Variants in UTS2B observed in about 807,000 individuals in gnomAD.
The protein encoded by UTS2B is urotensin-2B.
Under a neutral mutation model 19.2 loss-of-function variants are expected in UTS2B, and 21 were observed. That is an observed-to-expected ratio of 1.09 (90% CI 0.78 to 1.58). UTS2B has a LOEUF of 1.58. Among genes scored for constraint, UTS2B ranks in the 40% most tolerant of loss-of-function variants. The pLI is 0.00. For synonymous variants in UTS2B, 57 were observed against 50.2 expected, an observed-to-expected ratio of 1.14 and a Z score of -0.58; for missense variants, 138 against 130.3, an observed-to-expected ratio of 1.06 and a Z score of -0.29.
chr3:191,310,646 T>C (rs150923435), intron 3 of UTS2B, among the ~76,000 whole-genome samples: 49 of 151,938 alleles, frequency 3.2e-4, no homozygotes, highest in African/African-American at 1.2e-3. Flanking sequence ...GTCCATGAAA[T>C]TGTGGCAAGC....
the UTS2B span, among the ~76,000 whole-genome samples, chr3:191,345,641 C>T: frequency 5.3e-5 from 8 of 152,170 alleles, no homozygotes; most frequent in African/African-American, 1.9e-4. Flanking sequence ...CGCTTGCCTG[C>T]AATCTGGTGT....
chr3:191,322,048 ATG>A (rs60815436), intron 2 of UTS2B, among the ~76,000 whole-genome samples: 1 of 151,004 alleles, frequency 6.6e-6, no homozygotes, highest in Non-Finnish European at 1.5e-5. Flanking sequence ...ATACATATAT[ATG>A]TGTGTGTGTG....
the UTS2B span, among the ~76,000 whole-genome samples, chr3:191,343,813 T>G: frequency 3.2e-3 from 482 of 152,344 alleles, 3 homozygotes; most frequent in African/African-American, 0.011. Flanking sequence ...TTTGGTGGGT[T>G]TATTCAGTAC....
intron 4 of UTS2B, among the ~76,000 whole-genome samples, chr3:191,287,592 G>A (rs1256460381): frequency 6.6e-6 from 1 of 152,014 alleles, no homozygotes; most frequent in Non-Finnish European, 1.5e-5. Flanking sequence ...ATTAAGTATG[G>A]AATGAATGTA....
At chr3:191,296,296 C>T (rs1026675025) in intron 4 of UTS2B, among the ~76,000 whole-genome samples, 2 of 151,888 alleles carry the variant, frequency 1.3e-5, no homozygotes, top group Non-Finnish European at 2.9e-5. Flanking sequence ...TACACACATA[C>T]TCCATTTTAA....
chr3:191,279,948 A>T (rs1716339463), intron 5 of UTS2B, among the ~76,000 whole-genome samples: 1 of 152,122 alleles, frequency 6.6e-6, no homozygotes, highest in Admixed American at 6.6e-5. Context: ...TCTATCTTTG[A>T]ACAGTTAATA....
Position 191,275,295 on chromosome 3 carries a change from G to A in UTS2B, c.291C>T (p.Ser97=), listed in dbSNP as rs756234868. 1.4e-5 allele frequency: 22 copies of A among 1,613,592 alleles called. No homozygotes were observed. The highest frequency in any genetic ancestry group is 1.9e-5 in the Non-Finnish European group (22 of 1,179,790). Residue 97 remains serine (S), a synonymous_variant, in exon 8 of 9, where the codon TCC becomes TCT. Coordinates refer to ENST00000340524, the MANE Select transcript of UTS2B (RefSeq NM_198152.5). ...QLVEEKDSET[S]YAVDGLFSSH... ...AAGAGAATAGACCATCTACAGCATAGGACGTCTCAGAATCCTTCTCCTCCA... is the reference window on the plus strand; with the variant it reads ...AAGAGAATAGACCATCTACAGCATAAGACGTCTCAGAATCCTTCTCCTCCA...
chr3:191,325,560 G>C (rs756086412), intron 2 of UTS2B, among the ~76,000 whole-genome samples: 2 of 152,224 alleles, frequency 1.3e-5, no homozygotes, highest in Non-Finnish European at 2.9e-5. Flanking sequence ...GGAAAGTTGA[G>C]AGCATGAATA....
chr3:191,310,949 G>C (rs1717286274), intron 3 of UTS2B, among the ~76,000 whole-genome samples: 2 of 152,224 alleles, frequency 1.3e-5, no homozygotes, highest in African/African-American at 4.8e-5. Flanking sequence ...TTCAGAAGCT[G>C]CAACTGGCAC....
In UTS2B at chr3:191,268,200, T is replaced by C. The variant is rs556391536; in HGVS notation, c.*216A>G. ...TGACTGCACGTCCATTCATAGGCTC[T>C]CTACAGGGGGAAGCAAGTGCTGTTG... is the stretch of plus-strand genomic sequence containing the variant. On this transcript the variant is annotated 3_prime_UTR_variant, in exon 9 of 9. Coordinates refer to ENST00000340524, the MANE Select transcript of UTS2B (RefSeq NM_198152.5). The C allele has an allele frequency of 1.6e-5, 6 of 382,944 alleles. No homozygotes were observed. The highest frequency in any genetic ancestry group is 9.1e-5 in the East Asian group (2 of 21,868). The allele number at this position is 382,944 out of a possible 1,614,324, so 23.7% of individuals were successfully genotyped here.
At chr3:191,312,109 G>A (rs4247187) in intron 3 of UTS2B, among the ~76,000 whole-genome samples, 34,660 of 149,762 alleles carry the variant, frequency 0.23, 4,228 homozygotes, top group South Asian at 0.29. Context: ...CCGAGGTTGC[G>A]CCACTGCACT....
chr3:191,275,650 T>A (rs576598618), intron 7 of UTS2B, among the ~76,000 whole-genome samples: 8 of 150,644 alleles, frequency 5.3e-5, no homozygotes, highest in Non-Finnish European at 1.0e-4. Context: ...ACTGTACTTC[T>A]GCCAGGGCAA....
intron 1 of UTS2B, chr3:191,329,470 C>A: frequency 2.1e-6 from 1 of 479,606 alleles, no homozygotes; most frequent in Non-Finnish European, 3.6e-6. Context: ...GCAGCTGGGC[C>A]GCCAGCTTGG....
intron 4 of UTS2B, among the ~76,000 whole-genome samples, chr3:191,301,242 T>A (rs1716990686): frequency 6.6e-6 from 1 of 152,154 alleles, no homozygotes; most frequent in African/African-American, 2.4e-5. Context: ...GCTGGTGCCC[T>A]AAAGATTTGA....
chr3:191,302,951 A>G (rs930175338), intron 4 of UTS2B, among the ~76,000 whole-genome samples: 2 of 152,208 alleles, frequency 1.3e-5, no homozygotes, highest in African/African-American at 4.8e-5. Context: ...AAGGAATGCA[A>G]TTGTCATGAG....
At chr3:191,300,734 G>A (rs917441616) in intron 4 of UTS2B, among the ~76,000 whole-genome samples, 1 of 152,202 alleles carries the variant, frequency 6.6e-6, no homozygotes, top group Non-Finnish European at 1.5e-5. Flanking sequence ...CCCCTTTGGG[G>A]CTGTTCTCAT....
chr3:191,294,191 G>T (rs1000300668), intron 4 of UTS2B, among the ~76,000 whole-genome samples: 1 of 151,840 alleles, frequency 6.6e-6, no homozygotes, highest in Non-Finnish European at 1.5e-5. Context: ...TCAAGTCAAG[G>T]ATTAGACATA....
chr3:191,285,183 G>A (rs1163533031), intron 4 of UTS2B, among the ~76,000 whole-genome samples: 1 of 151,864 alleles, frequency 6.6e-6, no homozygotes, highest in African/African-American at 2.4e-5. Context: ...TATGTAAATT[G>A]TGACATCAAA....
At chr3:191,329,845 C>A (rs1276132402) in intron 1 of UTS2B, 1 of 946,610 alleles carries the variant, frequency 1.1e-6, no homozygotes, top group African/African-American at 1.8e-5. Flanking sequence ...CCTGCGTTGG[C>A]CTTGCCCGGA....
Sources: gnomAD v4.1 joint callset for allele counts (sites outside exome capture counted in the v4.1 genomes callset) on GRCh38, gnomAD v4.1.1 for gene constraint, MANE v1.5 for transcripts, NCBI Gene and HGNC (gene_info 2026-07-23, HGNC 2026-07-21) for gene names.